Variants in SRRT observed in about 807,000 individuals in gnomAD.
The protein encoded by SRRT is serrate, RNA effector molecule, also known as serrate RNA effector molecule homolog.
In SRRT, 32 loss-of-function variants were observed where a neutral mutation model predicts 103.2. The observed-to-expected ratio is 0.31, with a 90% confidence interval of 0.23 to 0.42. SRRT has a LOEUF of 0.42. Ranked by LOEUF, SRRT falls within the 10% of genes least tolerant of loss-of-function variation. The pLI, the probability that SRRT is intolerant of heterozygous loss-of-function variation, is 1.00. For missense variants in SRRT, 986 were observed against 1,207.5 expected, an observed-to-expected ratio of 0.82 and a Z score of 2.72; for synonymous variants, 525 against 449.0, an observed-to-expected ratio of 1.17 and a Z score of -2.14.
chr7:100,887,393 A>T lies in SRRT; in HGVS notation c.2049A>T (p.Glu683Asp). 6.2e-7 allele frequency: 1 copy of T among 1,614,244 alleles called. No individual in the cohort carries two copies. The highest frequency in any genetic ancestry group is 8.5e-7 in the Non-Finnish European group (1 of 1,180,052). The change falls in exon 16 of 20, where the codon GAA becomes GAT. Residue 683 changes from glutamate (E) to aspartate (D), a missense_variant. This residue lies in a region of SRRT where 349 missense variants were observed against 446.9 expected (regional missense o/e 0.78). Transcript: ENST00000611405. The surrounding 1 kb of genome is among the most constrained non-coding windows in gnomAD (Gnocchi z 4.1). ...LLSVRESLSE[E>D]EAQKMGRKDP... ...GTGTGCGGGAGTCACTCTCAGAGGA[A>T]GAGGCCCAGAAGATGGGGCGCAAAG...
At chr7:100,881,603 A>T in intron 3 of SRRT, 56 bp from the exon 4 acceptor site, 1 of 1,609,460 alleles carries the variant, frequency 6.2e-7, no homozygotes, top group Non-Finnish European at 8.5e-7. Context: ...TCCATCCTCC[A>T]TGCTCTGGGG....
rs929003282 is a variant in SRRT at position 100,882,552 on chromosome 7, A to G, written c.587+311A>G. 3.7e-6 allele frequency: 1 copy of G among 272,468 alleles called. No individual in the cohort carries two copies. The highest frequency in any genetic ancestry group is 6.9e-6 in the Non-Finnish European group (1 of 143,898). 16.9% of individuals were successfully genotyped at this position (272,468 alleles called of 1,614,324 possible). On this transcript the variant is annotated intron_variant, in intron 5 of 19. Coordinates refer to ENST00000611405, the MANE Select transcript of SRRT (RefSeq NM_015908.6). The surrounding 1 kb of genome is among the most constrained non-coding windows in gnomAD (Gnocchi z 4.2). ...CACTTGTTGGTGTTGGGTCATTGTC[A>G]TCCCTGATCACCAGGACCCTGTGTG...
chr7:100,888,560 G>C lies in SRRT; in HGVS notation c.*11G>C. ...GTTGATTTCTTTTGAGCCGTCCCCC[G>C]TTCCTCAGTCCTGTATCATCCATAC... On this transcript the variant is annotated 3_prime_UTR_variant, in exon 20 of 20. Coordinates refer to ENST00000611405, the MANE Select transcript of SRRT (RefSeq NM_015908.6). The C allele has an allele frequency of 1.9e-6, 3 of 1,614,114 alleles. No individual in the cohort carries two copies. The highest frequency in any genetic ancestry group is 2.5e-6 in the Non-Finnish European group (3 of 1,179,996).
chr7:100,886,110 A>G (rs12672665), intron 12 of SRRT, 137 bp from the exon 13 acceptor site: 650,913 of 1,224,082 alleles, frequency 0.53, 177,238 homozygotes, highest in East Asian at 0.82. Flanking sequence ...GCATGGACGG[A>G]ACCTATGTGG....
At position 100,875,720 on chromosome 7, in the gene SRRT, G is replaced by A. The variant is rs1815616412; in HGVS notation, c.122+8G>A. 2 of 1,613,412 alleles carry A rather than the reference G, an allele frequency of 1.2e-6. No homozygotes were observed. The highest frequency in any genetic ancestry group is 1.7e-6 in the Non-Finnish European group (2 of 1,179,620). On this transcript the variant is annotated splice_region_variant and intron_variant, in intron 2 of 19. Transcript: ENST00000611405. ...GGACGATTGGAATGACAGGTGAGCC[G>A]TTTTTAACTTCATCTTGTCCCCGTT... is the stretch of plus-strand genomic sequence containing the variant.
Position 100,882,320 on chromosome 7 carries a change from T to A in SRRT, c.587+79T>A. The stretch of plus-strand genomic sequence containing the variant: ...CTGGTGGAGCCACAGCCCTGTCCTC[T>A]TCCCAGTTTTCCCTGTCCAGAACTT... On this transcript the variant is annotated intron_variant, in intron 5 of 19. Coordinates refer to ENST00000611405, the MANE Select transcript of SRRT (RefSeq NM_015908.6). The surrounding 1 kb of genome is among the most constrained non-coding windows in gnomAD (Gnocchi z 4.2). 6.8e-7 allele frequency: 1 copy of A among 1,476,438 alleles called. No individual in the cohort carries two copies. Among genetic ancestry groups the A allele is most frequent in the South Asian group, 1.3e-5 (1 of 78,006 alleles). The allele number at this position is 1,476,438 out of a possible 1,614,324, so 91.5% of individuals were successfully genotyped here.
chr7:100,881,994 C>G (rs1789620514), intron 4 of SRRT, 59 bp from the exon 5 acceptor site: 1 of 1,561,122 alleles, frequency 6.4e-7, no homozygotes, highest in Non-Finnish European at 8.6e-7. Context: ...CTACTTTGGC[C>G]CCTGTAGCCT....
chr7:100,887,119 A>C lies in SRRT; in HGVS notation c.1894A>C (p.Asn632His). Residue 632 changes from asparagine to histidine, a missense_variant, in exon 15 of 20, where the codon AAC becomes CAC. Physicochemically the swap from Asn to His is moderately conservative, Grantham distance 68. Transcript: ENST00000611405. The surrounding 1 kb of genome is among the most constrained non-coding windows in gnomAD (Gnocchi z 4.1). ...TTATTACAACACCTGTGAGTACCCCAACGAGGACGAGATGCCCAATCGCTG... is the reference window on the plus strand; with the variant it reads ...TTATTACAACACCTGTGAGTACCCCCACGAGGACGAGATGCCCAATCGCTG... ...LDYYNTCEYP[N>H]EDEMPNRCGI... The C allele has an allele frequency of 6.2e-7, 1 of 1,614,208 alleles. No homozygotes were observed. Among genetic ancestry groups the C allele is most frequent in the South Asian group, 1.1e-5 (1 of 91,084 alleles).
In SRRT at chr7:100,885,941, TG is replaced by T; in HGVS notation, c.1458+1del. 1 of 1,613,820 alleles carries T rather than the reference TG, an allele frequency of 6.2e-7. No homozygotes were observed. Among genetic ancestry groups the T allele is most frequent in the Non-Finnish European group, 8.5e-7 (1 of 1,179,978 alleles). ...TCTGTTGGAACCTGCAGAACATCCG[TG>T]TGAGTGCTGGGGGTGGGACTGTGGG... is the stretch of plus-strand genomic sequence containing the variant. On this transcript the variant is annotated splice_donor_variant, in intron 12 of 19. Coordinates refer to ENST00000611405, the MANE Select transcript of SRRT (RefSeq NM_015908.6). LOFTEE classifies it high-confidence loss of function. The surrounding 1 kb of genome is among the most constrained non-coding windows in gnomAD (Gnocchi z 4.8).
At position 100,881,485 on chromosome 7, in the gene SRRT, C is replaced by T. The variant is rs1789552847; in HGVS notation, c.251+72C>T. ...CTGGGCCTCCCCTTTCTCCCCTCAC[C>T]TGTGCCTAAATCTTTGTCATTTCCT... On this transcript the variant is annotated intron_variant, in intron 3 of 19. Coordinates refer to ENST00000611405, the MANE Select transcript of SRRT (RefSeq NM_015908.6). The T allele has an allele frequency of 4.4e-6, 7 of 1,582,566 alleles. No individual in the cohort carries two copies. In the Admixed American group the frequency reaches 5.3e-5, roughly 12 times the overall value.
chr7:100,875,794 A>G, intron 2 of SRRT, 82 bp downstream of exon 2: 1 of 1,562,506 alleles, frequency 6.4e-7, no homozygotes, highest in South Asian at 1.1e-5. Flanking sequence ...CCCCCTTGTA[A>G]TTTTTATGAG....
Position 100,887,566 on chromosome 7 carries a change from A to C in SRRT, c.2169+53A>C. The C allele has an allele frequency of 6.3e-7, 1 of 1,596,096 alleles. No homozygotes were observed. On this transcript the variant is annotated intron_variant, in intron 16 of 19. Coordinates refer to ENST00000611405, the MANE Select transcript of SRRT (RefSeq NM_015908.6). This position sits in a 1 kb window ranked among gnomAD's most constrained non-coding sequence, Gnocchi z 4.1. ...TACGGTGGTGGGAGGTGGGGTTGAG[A>C]CAGGAAGCCCCCTGGGCAGGGGTGG...
At position 100,875,611 on chromosome 7, in the gene SRRT, G is replaced by C. The variant is rs1563008057; in HGVS notation, c.21G>C (p.Glu7Asp). The stretch of plus-strand genomic sequence containing the variant: ...GTGCCATGGGTGACAGTGATGACGA[G>C]TACGATCGAAGGCGCAGGGACAAGT... MGDSDD[E>D]YDRRRRDKFR... The change falls in exon 2 of 20, where the codon GAG (glutamate) becomes GAC (aspartate). Residue 7 changes from glutamate to aspartate, a missense_variant. Coordinates refer to ENST00000611405, the MANE Select transcript of SRRT (RefSeq NM_015908.6). 1 of 1,614,112 alleles carries C rather than the reference G, an allele frequency of 6.2e-7. No homozygotes were observed. The highest frequency in any genetic ancestry group is 8.5e-7 in the Non-Finnish European group (1 of 1,179,966).
At chr7:100,881,951 A>G in intron 4 of SRRT, 102 bp from the exon 5 acceptor site, 2 of 1,477,204 alleles carry the variant, frequency 1.4e-6, no homozygotes, top group Non-Finnish European at 9.1e-7. Flanking sequence ...GTTTGGGGTG[A>G]TGTCCATGGT....
In SRRT at chr7:100,886,927, C is replaced by T. The variant is rs1393017227; in HGVS notation, c.1780C>T (p.Pro594Ser). 1.9e-6 allele frequency: 3 copies of T among 1,613,056 alleles called. No homozygotes were observed. Among genetic ancestry groups the T allele is most frequent in the African/African-American group, 1.3e-5 (1 of 74,754 alleles). Residue 594 changes from proline to serine, a missense_variant, in exon 14 of 20, where the codon CCG (proline) becomes TCG (serine). This residue lies in a region of SRRT where 349 missense variants were observed against 446.9 expected (regional missense o/e 0.78). Transcript: ENST00000611405. ...TGAGGAGCCTCCTAAGGAAGGGAAC[C>T]CGGCAGAGATCAACGTGGAGCGGGA... ...PPEEPPKEGN[P>S]AEINVERDEK...
chr7:100,885,180 C>T lies in SRRT; in HGVS notation c.1160-33C>T, dbSNP rs1359744791. On this transcript the variant is annotated intron_variant, in intron 9 of 19. Transcript: ENST00000611405. The surrounding 1 kb of genome is among the most constrained non-coding windows in gnomAD (Gnocchi z 4.8). ...CCCACCACAATCAGTAATAAAAATGCACCAACTCCTTCCTACCCCCCTTCC... is the reference window on the plus strand; with the variant it reads ...CCCACCACAATCAGTAATAAAAATGTACCAACTCCTTCCTACCCCCCTTCC... 3.1e-6 allele frequency: 5 copies of T among 1,607,412 alleles called. No individual in the cohort carries two copies. In the South Asian group the frequency reaches 4.4e-5, roughly 14 times the overall value.
rs1790285020 is a variant in SRRT, at chr7:100,887,777, GTT to G, written c.2249_2250del (p.Phe750Ter). On this transcript the variant is annotated frameshift_variant, in exon 17 of 20. Coordinates refer to ENST00000611405, the MANE Select transcript of SRRT (RefSeq NM_015908.6). LOFTEE classifies it high-confidence loss of function. This position sits in a 1 kb window ranked among gnomAD's most constrained non-coding sequence, Gnocchi z 4.1. Reference protein sequence around the residue: ...KIEEVKKEVAFFNNFLTDAKR... With the variant: ...KIEEVKKEVAXFNNFLTDAKR... ...TTGAGGAAGTGAAAAAGGAAGTCGC[GTT>G]TTTTAACAACTTCCTCACTGATGCT... 1.2e-6 allele frequency: 2 copies of G among 1,613,596 alleles called. No homozygotes were observed. The highest frequency in any genetic ancestry group is 1.7e-6 in the Non-Finnish European group (2 of 1,179,596).
chr7:100,888,045 TC>T lies in SRRT; in HGVS notation c.2336del (p.Pro779GlnfsTer3). ...ATTCATGTCCCTGTCCGTGTTGTAC[TC>T]CCCCCAGGTTTGACCCCAGGACTCC... ...PAQPPGPAQI[L>X]PPGLTPGLPY... is the part of the protein sequence containing the mutation. On this transcript the variant is annotated frameshift_variant, in exon 18 of 20. Coordinates refer to ENST00000611405, the MANE Select transcript of SRRT (RefSeq NM_015908.6). LOFTEE classifies it high-confidence loss of function. 4.5e-6 allele frequency: 7 copies of T among 1,543,524 alleles called. No individual in the cohort carries two copies. Among genetic ancestry groups the T allele is most frequent in the East Asian group, 4.5e-5 (2 of 44,316 alleles).
rs1276630525 is a variant in SRRT at position 100,888,268 on chromosome 7, C to G, written c.2440C>G (p.Arg814Gly). The change falls in exon 19 of 20, where the codon CGC becomes GGC. Residue 814 changes from arginine to glycine, a missense_variant. This residue lies in a region of SRRT where 178 missense variants were observed against 189.6 expected (regional missense o/e 0.94). Coordinates refer to ENST00000611405, the MANE Select transcript of SRRT (RefSeq NM_015908.6). ...PILGYGAGAV[R>G]PAVPTGGPPY... ...GATCTCTGTCATAGCTGGTGCTGTC[C>G]GCCCTGCAGTCCCCACAGGAGGCCC... 1 of 1,608,524 alleles carries G rather than the reference C, an allele frequency of 6.2e-7. No individual in the cohort carries two copies. The highest frequency in any genetic ancestry group is 8.5e-7 in the Non-Finnish European group (1 of 1,175,822).
Sources: allele counts gnomAD v4.1 joint callset, GRCh38; gene constraint gnomAD v4.1.1; regional missense constraint gnomAD v4.1.1; non-coding constraint Gnocchi (gnomAD v3.1); transcripts MANE v1.5; gene names NCBI Gene and HGNC (gene_info 2026-07-23, HGNC 2026-07-21).